YWHAE: variants seen among roughly 807,000 people sequenced by gnomAD.
YWHAE encodes the protein tyrosine 3-monooxygenase/tryptophan 5-monooxygenase activation protein epsilon.
Under a neutral mutation model 30.1 loss-of-function variants are expected in YWHAE, and 4 were observed. The observed-to-expected ratio is 0.13, with a 90% CI of 0.07 to 0.30. The LOEUF is 0.30. Ranked by LOEUF, YWHAE falls within the 10% of genes least tolerant of loss-of-function variation. The probability of loss-of-function intolerance (pLI) is 1.00; values close to 1 mark genes in which losing one functional copy is unlikely to be tolerated. For synonymous variants in YWHAE, 118 were observed against 111.8 expected (o/e 1.06, Z -0.35); for missense variants, 121 against 315.9 (o/e 0.38, Z 4.68).
At chr17:1,397,902 C>T (rs1335276377) in intron 1 of YWHAE, among the ~76,000 whole-genome samples, 1 of 152,140 alleles carries the variant, frequency 6.6e-6, no homozygotes, top group Non-Finnish European at 1.5e-5. Flanking sequence ...GAAGGGGACA[C>T]CTAACATTAA....
intron 5 of YWHAE, among the ~76,000 whole-genome samples, chr17:1,346,948 G>T (rs952537512): frequency 1.4e-5 from 2 of 146,066 alleles, no homozygotes; most frequent in East Asian, 4.0e-4. Context: ...CCAAGAACAT[G>T]CCACTACACT....
chr17:1,374,727 T>A (rs1385686765), intron 1 of YWHAE, among the ~76,000 whole-genome samples: 1 of 152,210 alleles, frequency 6.6e-6, no homozygotes, highest in South Asian at 2.1e-4. Context: ...TTGCGTATGT[T>A]CTCTGGAGAA....
chr17:1,383,968 G>A (rs1007923380), intron 1 of YWHAE, among the ~76,000 whole-genome samples: 2 of 151,982 alleles, frequency 1.3e-5, no homozygotes, highest in African/African-American at 2.4e-5. Flanking sequence ...CACTTTGGGA[G>A]GCCGAGGCAC....
intron 1 of YWHAE, among the ~76,000 whole-genome samples, chr17:1,371,020 C>T (rs1346382767): frequency 6.6e-6 from 1 of 151,914 alleles, no homozygotes; most frequent in Non-Finnish European, 1.5e-5. Flanking sequence ...AATCAAAAAA[C>T]ATTGCTCTCC....
chr17:1,348,484 C>T (rs916985774), intron 5 of YWHAE, among the ~76,000 whole-genome samples: 1 of 152,108 alleles, frequency 6.6e-6, no homozygotes, highest in African/African-American at 2.4e-5. Flanking sequence ...CTTTAAAAAA[C>T]AAAAAAATCT....
At chr17:1,350,533 C>T (rs974647202) in intron 5 of YWHAE, among the ~76,000 whole-genome samples, 3 of 151,958 alleles carry the variant, frequency 2.0e-5, no homozygotes, top group Non-Finnish European at 2.9e-5. Context: ...CCTCTGCCTC[C>T]CGGGTTCAAG....
intron 4 of YWHAE, among the ~76,000 whole-genome samples, chr17:1,354,604 A>C (rs897824088): frequency 2.8e-4 from 42 of 152,182 alleles, no homozygotes; most frequent in African/African-American, 9.6e-4. Flanking sequence ...TTCCATCCTA[A>C]ACCATCACCA....
At chr17:1,350,216 T>G (rs528559198) in intron 5 of YWHAE, among the ~76,000 whole-genome samples, 2 of 151,972 alleles carry the variant, frequency 1.3e-5, no homozygotes, top group South Asian at 4.2e-4. Flanking sequence ...CCTCCCAAAG[T>G]GCTGGGATTA....
intron 1 of YWHAE, among the ~76,000 whole-genome samples, chr17:1,374,462 A>C (rs1303199904): frequency 6.6e-6 from 1 of 152,186 alleles, no homozygotes; most frequent in East Asian, 1.9e-4. Flanking sequence ...ATACACCTAG[A>C]AGGAACTTCA....
intron 1 of YWHAE, among the ~76,000 whole-genome samples, chr17:1,373,904 A>T (rs1256355486): frequency 6.6e-6 from 1 of 152,134 alleles, no homozygotes; most frequent in Non-Finnish European, 1.5e-5. Context: ...TTCCCAACAC[A>T]ACCTACCGTA....
chr17:1,355,201 GGCTGGAGT>G, intron 4 of YWHAE, among the ~76,000 whole-genome samples: 1 of 127,150 alleles, frequency 7.9e-6, no homozygotes, highest in South Asian at 2.6e-4. Context: ...CTATCACCCA[GGCTGGAGT>G]GCAGTGGCGG....
chr17:1,354,101 G>A (rs1314775270), intron 5 of YWHAE, 110 bp downstream of exon 5: 2 of 1,374,662 alleles, frequency 1.5e-6, no homozygotes, highest in Non-Finnish European at 2.0e-6. Flanking sequence ...AGGGCAGGCG[G>A]TGAATCTAAA....
In YWHAE at chr17:1,361,086, A is replaced by C; in HGVS notation, c.578+6T>G. 1.2e-6 allele frequency: 2 copies of C among 1,613,622 alleles called. No homozygotes were observed. Among genetic ancestry groups the C allele is most frequent in the Non-Finnish European group, 1.7e-6 (2 of 1,179,586 alleles). ...CTGAGCGCTGCTGTTCTTCCCCACAACTTACCTGCAGGCACGGTCAGGGGA... is the reference window on the plus strand; with the variant it reads ...CTGAGCGCTGCTGTTCTTCCCCACACCTTACCTGCAGGCACGGTCAGGGGA... On this transcript the variant is annotated splice_donor_region_variant and intron_variant, in intron 4 of 5. Transcript: ENST00000264335.
At chr17:1,366,532 C>CA (rs1157322002) in intron 1 of YWHAE, among the ~76,000 whole-genome samples, 3 of 151,802 alleles carry the variant, frequency 2.0e-5, no homozygotes, top group East Asian at 1.9e-4. Flanking sequence ...GACTCCATCT[C>CA]AAAAAAAACC....
chr17:1,396,055 G>A (rs1448533029), intron 1 of YWHAE, among the ~76,000 whole-genome samples: 1 of 152,150 alleles, frequency 6.6e-6, no homozygotes, highest in Non-Finnish European at 1.5e-5. Context: ...GGGGATGGAG[G>A]TTGCAGTGAG....
At chr17:1,361,836 A>T in intron 3 of YWHAE, 66 bp downstream of exon 3, 1 of 1,081,024 alleles carries the variant, frequency 9.3e-7, no homozygotes, top group Non-Finnish European at 1.3e-6. Flanking sequence ...CCTACATAGA[A>T]CAAAGTTATG....
At chr17:1,398,339 C>CCG (rs1555648164) in intron 1 of YWHAE, among the ~76,000 whole-genome samples, 8 of 92,598 alleles carry the variant, frequency 8.6e-5, no homozygotes, top group African/African-American at 3.8e-4. Flanking sequence ...TCTTATCCCC[C>CCG]CCCCCAACAG....
intron 1 of YWHAE, among the ~76,000 whole-genome samples, chr17:1,389,847 T>C (rs761476234): frequency 1.3e-5 from 2 of 150,706 alleles, no homozygotes; most frequent in Non-Finnish European, 3.0e-5. Flanking sequence ...TACATTTTCT[T>C]TCTTTCTTTT....
chr17:1,385,153 A>AG (rs897832746), intron 1 of YWHAE, among the ~76,000 whole-genome samples: 13 of 151,534 alleles, frequency 8.6e-5, no homozygotes, highest in Non-Finnish European at 1.9e-4. Context: ...TCAAAAAAAA[A>AG]AAAAAAAAAA....
Sources: gnomAD v4.1 joint callset for allele counts (sites outside exome capture counted in the v4.1 genomes callset) on GRCh38, gnomAD v4.1.1 for gene constraint, MANE v1.5 for transcripts, NCBI Gene and HGNC (gene_info 2026-07-23, HGNC 2026-07-21) for gene names.